The following CHD2 variants were observed in gnomAD, a reference collection of about 807,000 sequenced individuals.
The protein encoded by CHD2 is ATP-dependent chromatin remodeler CHD2.
CHD2 carries 28 observed loss-of-function variants against 243.9 expected under a neutral mutation model. That is an observed-to-expected ratio of 0.11 (90% CI 0.09 to 0.16). The LOEUF is 0.16. Ranked by LOEUF, CHD2 falls within the 10% of genes least tolerant of loss-of-function variation. The pLI, the probability that CHD2 is intolerant of heterozygous loss-of-function variation, is 1.00. For missense variants in CHD2, 1,386 were observed against 2,209.8 expected, an observed-to-expected ratio of 0.63 and a Z score of 7.47; for synonymous variants, 775 against 779.0, an observed-to-expected ratio of 0.99 and a Z score of 0.09.
chr15:92,986,584 C>T (rs2054046062), intron 26 of CHD2, among the ~76,000 whole-genome samples: 1 of 152,150 alleles, frequency 6.6e-6, no homozygotes, highest in African/African-American at 2.4e-5. Flanking sequence ...TGTATATATA[C>T]ACACCCCACC....
intron 14 of CHD2, chr15:92,954,440 T>C (rs2053593090): frequency 6.6e-6 from 1 of 152,228 alleles, no homozygotes; most frequent in Admixed American, 6.5e-5. Flanking sequence ...GTTTAAATAT[T>C]TGAGTTGCAT....
At chr15:93,022,156 T>G (rs895026185) in intron 38 of CHD2, 1 of 152,248 alleles carries the variant, frequency 6.6e-6, no homozygotes, top group African/African-American at 2.4e-5. Flanking sequence ...AAAAGAGTTT[T>G]ATTTGGCGCA....
chr15:92,900,602 A>G lies in CHD2; in HGVS notation c.-294A>G, dbSNP rs898517380. Reference sequence around the variant, plus strand: ...TTTTCCAGCTTAGAAGCCATGGCGCACCTCCATTTTTGTGCGCTCTCCTAA... The same window carrying G: ...TTTTCCAGCTTAGAAGCCATGGCGCGCCTCCATTTTTGTGCGCTCTCCTAA... On this transcript the variant is annotated 5_prime_UTR_variant, in exon 1 of 39. Coordinates refer to ENST00000394196, the MANE Select transcript of CHD2 (RefSeq NM_001271.4). 2.5e-6 allele frequency: 1 copy of G among 396,592 alleles called. No individual in the cohort carries two copies. The highest frequency in any genetic ancestry group is 2.1e-5 in the African/African-American group (1 of 47,902). The allele number at this position is 396,592 out of a possible 1,614,324, so 24.6% of individuals were successfully genotyped here.
At position 93,004,682 on chromosome 15, in the gene CHD2, A is replaced by G; in HGVS notation, c.4344A>G (p.Thr1448=). Residue 1448 remains threonine, a synonymous_variant, in exon 34 of 39, where the codon ACA becomes ACG. Transcript: ENST00000394196. ...SKRSQGPVHI[T]AGSEPVPIGE... is the part of the protein sequence containing the mutation. ...GATCTCAGGGTCCTGTCCATATTACAGCAGGAAGTGAACCTGTCCCCATTG... is the reference window on the plus strand; with the variant it reads ...GATCTCAGGGTCCTGTCCATATTACGGCAGGAAGTGAACCTGTCCCCATTG... 1 of 1,613,992 alleles carries G rather than the reference A, an allele frequency of 6.2e-7. No homozygotes were observed. Among genetic ancestry groups the G allele is most frequent in the Non-Finnish European group, 8.5e-7 (1 of 1,179,896 alleles).
At chr15:92,904,889 G>T in intron 2 of CHD2, 1 of 1,534,712 alleles carries the variant, frequency 6.5e-7, no homozygotes. Context: ...CTTGACGGGT[G>T]TTAACAGCTG....
At chr15:92,902,307 C>T (rs939072306) in intron 2 of CHD2, 40 of 396,314 alleles carry the variant, frequency 1.0e-4, no homozygotes, top group South Asian at 3.9e-4. Flanking sequence ...TGTTGTATGA[C>T]CTCTGTATAT....
intron 26 of CHD2, among the ~76,000 whole-genome samples, chr15:92,988,267 T>G (rs1238175664): frequency 1.3e-5 from 2 of 152,072 alleles, no homozygotes; most frequent in Non-Finnish European, 1.5e-5. Flanking sequence ...GTATTTTTAG[T>G]AGAGATGGGA....
At chr15:92,921,232 T>G (rs994842839) in intron 2 of CHD2, 5 of 152,406 alleles carry the variant, frequency 3.3e-5, no homozygotes, top group African/African-American at 1.2e-4. Flanking sequence ...TTTAATTTGC[T>G]GTGTCCGCAG....
chr15:92,927,378 C>T (rs1234246489), intron 4 of CHD2, 48 bp downstream of exon 4: 2 of 1,352,922 alleles, frequency 1.5e-6, no homozygotes, highest in East Asian at 2.3e-5. Context: ...CCCTATCTTA[C>T]TTCATTCTTT....
chr15:92,973,333 T>C (rs1016383133), intron 19 of CHD2, among the ~76,000 whole-genome samples: 3 of 152,356 alleles, frequency 2.0e-5, no homozygotes, highest in South Asian at 4.1e-4. Context: ...TAGAAACTTA[T>C]TCTCTGATCT....
At chr15:92,969,091 G>A (rs910926394) in intron 17 of CHD2, among the ~76,000 whole-genome samples, 9 of 152,226 alleles carry the variant, frequency 5.9e-5, no homozygotes, top group African/African-American at 2.2e-4. Context: ...TGTAAAAGGG[G>A]AAATAGTGTT....
In CHD2 at chr15:92,998,468, G is replaced by A. The variant is rs774915931; in HGVS notation, c.3886-31G>A. On this transcript the variant is annotated intron_variant, in intron 30 of 38. Transcript: ENST00000394196. The surrounding 1 kb of genome is among the most constrained non-coding windows in gnomAD (Gnocchi z 5.1). ...ATCCACTAACCAGGATGTGGGTGGT[G>A]GCGGGTGCTTCTCTTCCTTTCTTGT... 6.2e-7 allele frequency: 1 copy of A among 1,612,952 alleles called. No individual in the cohort carries two copies. Among genetic ancestry groups the A allele is most frequent in the Admixed American group, 1.7e-5 (1 of 59,964 alleles).
intron 13 of CHD2, among the ~76,000 whole-genome samples, chr15:92,951,833 G>A (rs982807015): frequency 6.6e-6 from 1 of 152,162 alleles, no homozygotes; most frequent in Non-Finnish European, 1.5e-5. Flanking sequence ...TCCCAAGTGT[G>A]ATCTTCTTTG....
intron 26 of CHD2, among the ~76,000 whole-genome samples, chr15:92,986,811 G>A (rs772066465): frequency 1.3e-5 from 2 of 152,034 alleles, no homozygotes; most frequent in Non-Finnish European, 2.9e-5. Flanking sequence ...ACACTCCTGG[G>A]CTCAAGTGAT....
At chr15:92,993,760 T>C (rs1260034946) in intron 28 of CHD2, among the ~76,000 whole-genome samples, 5 of 152,140 alleles carry the variant, frequency 3.3e-5, no homozygotes, top group Non-Finnish European at 5.9e-5. Context: ...CTGGGCAATA[T>C]GTAAGTGAGA....
chr15:92,960,468 T>G (rs923322985), intron 16 of CHD2, among the ~76,000 whole-genome samples: 3 of 152,154 alleles, frequency 2.0e-5, no homozygotes, highest in African/African-American at 4.8e-5. Context: ...GTTTGTGAGG[T>G]TTTAATAAAG....
At chr15:92,993,644 T>A (rs1019427409) in intron 28 of CHD2, among the ~76,000 whole-genome samples, 1 of 151,968 alleles carries the variant, frequency 6.6e-6, no homozygotes, top group Non-Finnish European at 1.5e-5. Flanking sequence ...ATAGTGAACT[T>A]TAAAGAAACG....
At chr15:92,906,662 ATC>A (rs566147317) in intron 2 of CHD2, among the ~76,000 whole-genome samples, 1 of 103,268 alleles carries the variant, frequency 9.7e-6, no homozygotes, top group Non-Finnish European at 2.0e-5. Flanking sequence ...GCTATGAGCC[ATC>A]TTTTTTTTTT....
chr15:92,963,801 G>GA (rs1227380092), intron 16 of CHD2, among the ~76,000 whole-genome samples: 2 of 152,134 alleles, frequency 1.3e-5, no homozygotes, highest in Non-Finnish European at 2.9e-5. Flanking sequence ...AGTTCTAGGA[G>GA]AAAAAAATAC....
Sources: gnomAD v4.1 joint callset for allele counts (sites outside exome capture counted in the v4.1 genomes callset) on GRCh38, gnomAD v4.1.1 for gene constraint, Gnocchi (gnomAD v3.1) non-coding constraint, MANE v1.5 for transcripts, NCBI Gene and HGNC (gene_info 2026-07-23, HGNC 2026-07-21) for gene names.